The following EPRS1 variants were observed in gnomAD, a reference collection of about 807,000 sequenced individuals.
EPRS1 encodes the protein glutamyl-prolyl-tRNA synthetase 1, also known as bifunctional glutamate/proline--tRNA ligase.
Under a neutral mutation model 188.3 loss-of-function variants are expected in EPRS1, and 107 were observed. That is an observed-to-expected ratio of 0.57 (90% confidence interval 0.49 to 0.67). EPRS1 has a LOEUF of 0.67. Among genes scored for constraint, EPRS1 ranks in the 30% least tolerant of loss-of-function variants. The pLI is 0.00. For missense variants in EPRS1, 1,577 were observed against 1,802.2 expected, an observed-to-expected ratio of 0.88 and a Z score of 2.26; for synonymous variants, 596 against 593.1, an observed-to-expected ratio of 1.00 and a Z score of -0.07.
At chr1:220,006,017 T>G (rs559399538) in intron 15 of EPRS1, 89 bp downstream of exon 15, 2 of 724,516 alleles carry the variant, frequency 2.8e-6, no homozygotes, top group South Asian at 2.5e-5. Context: ...CTTATCCATT[T>G]TATCTGAGGA....
At chr1:219,999,600 G>A (rs1289550783) in intron 17 of EPRS1, among the ~76,000 whole-genome samples, 1 of 152,172 alleles carries the variant, frequency 6.6e-6, no homozygotes, top group Non-Finnish European at 1.5e-5. Flanking sequence ...GCCACTTGCA[G>A]CTATTGCAGT....
At chr1:219,999,925 A>G (rs1033917090) in intron 17 of EPRS1, among the ~76,000 whole-genome samples, 9 of 152,140 alleles carry the variant, frequency 5.9e-5, no homozygotes, top group Non-Finnish European at 2.9e-5. Context: ...ACACTGAGCC[A>G]AGATCATACC....
rs147971538 is a variant in EPRS1 at position 219,988,688 on chromosome 1, G to C, written c.2677C>G (p.Pro893Ala). ...SDSSPTRNSE[P>A]AGLETPEAKV... ...GCTTCTGGTGTTTCTAAACCAGCAG[G>C]TTCAGAATTTCTGGTTGGGCTTGAA... Residue 893 changes from proline to alanine, a missense_variant, in exon 19 of 32, where the codon CCT (proline) becomes GCT (alanine). By Grantham distance (27) the Pro-to-Ala change is conservative (BLOSUM62 -1). Around this residue, in one of 3 missense-constraint regions of EPRS1, gnomAD observed 1,278 missense variants for 1,457.4 expected, o/e 0.88. Transcript: ENST00000366923. 5 of 1,613,876 alleles carry C rather than the reference G, an allele frequency of 3.1e-6. No homozygotes were observed. Among genetic ancestry groups the C allele is most frequent in the Non-Finnish European group, 3.4e-6 (4 of 1,179,816 alleles).
chr1:220,040,846 G>A (rs867680749), intron 1 of EPRS1, among the ~76,000 whole-genome samples: 38 of 114,482 alleles, frequency 3.3e-4, no homozygotes, highest in Middle Eastern at 4.3e-3. Flanking sequence ...GCAAAACTGC[G>A]TCTTAAAAAA....
At position 219,997,303 on chromosome 1, in the gene EPRS1, T is replaced by C; in HGVS notation, c.2221A>G (p.Asn741Asp). 1 of 1,611,936 alleles carries C rather than the reference T, an allele frequency of 6.2e-7. No individual in the cohort carries two copies. The highest frequency in any genetic ancestry group is 8.5e-7 in the Non-Finnish European group (1 of 1,179,100). The part of the protein sequence containing the change: ...PFKERPTPSL[N>D]NNCTTSEDSL... ...TCCTCAGATGTAGTACAATTATTAT[T>C]CAGAGAAGGTGTTGGTCTTTCCTTA... The change falls in exon 18 of 32, where the codon AAT becomes GAT. Residue 741 changes from asparagine to aspartate, a missense_variant. Transcript: ENST00000366923.
chr1:219,977,528 A>G (rs1660803464), intron 28 of EPRS1, among the ~76,000 whole-genome samples: 1 of 152,200 alleles, frequency 6.6e-6, no homozygotes, highest in Non-Finnish European at 1.5e-5. Context: ...TTAACATTTT[A>G]TAGCCCAGGT....
intron 13 of EPRS1, among the ~76,000 whole-genome samples, chr1:220,008,321 T>C (rs1041658674): frequency 3.9e-5 from 6 of 151,980 alleles, no homozygotes; most frequent in Admixed American, 1.3e-4. Flanking sequence ...TTTCTGCCTT[T>C]CTAGTGTGTA....
chr1:220,001,451 C>T (rs1661350233), intron 16 of EPRS1, among the ~76,000 whole-genome samples, 196 bp from the exon 17 acceptor site: 1 of 152,088 alleles, frequency 6.6e-6, no homozygotes, highest in African/African-American at 2.4e-5. Context: ...CTGCAGCTTC[C>T]ACCTCCTGCG....
rs748098978 is a variant in EPRS1, at chr1:220,022,390, GA to G, written c.1071del (p.Arg358AlafsTer26). 4.3e-6 allele frequency: 7 copies of G among 1,613,906 alleles called. No individual in the cohort carries two copies. The highest frequency in any genetic ancestry group is 5.9e-6 in the Non-Finnish European group (7 of 1,179,896). On this transcript the variant is annotated frameshift_variant, in exon 9 of 32. Transcript: ENST00000366923. LOFTEE classifies it high-confidence loss of function. ...NNGCMRDPTL[Y>X]RCKIQPHPRT... The stretch of plus-strand genomic sequence containing the variant: ...CTTGGATGTGGTTGAATTTTGCAGC[GA>G]TAAAGGGTTGGATCTCTCATGCATC...
In EPRS1 at chr1:220,033,677, G is replaced by A; in HGVS notation, c.232-19C>T. Reference sequence around the variant, plus strand: ...GATCAATCTGTCAACATAAAAGACAGAAAAGAAATGCATTCCAACATTTCA... The same window carrying A: ...GATCAATCTGTCAACATAAAAGACAAAAAAGAAATGCATTCCAACATTTCA... On this transcript the variant is annotated intron_variant, in intron 3 of 31. Transcript: ENST00000366923. The A allele has an allele frequency of 6.4e-7, 1 of 1,561,258 alleles. No homozygotes were observed. Among genetic ancestry groups the A allele is most frequent in the South Asian group, 1.2e-5 (1 of 86,024 alleles).
intron 13 of EPRS1, among the ~76,000 whole-genome samples, chr1:220,008,528 G>A (rs1661541112): frequency 6.6e-6 from 1 of 152,014 alleles, no homozygotes; most frequent in South Asian, 2.1e-4. Flanking sequence ...AACATACTAA[G>A]CTCAGAATAG....
At chr1:219,984,581 T>G (rs1660967130) in intron 20 of EPRS1, among the ~76,000 whole-genome samples, 1 of 152,078 alleles carries the variant, frequency 6.6e-6, no homozygotes, top group Admixed American at 6.6e-5. Flanking sequence ...ACATCTGGCT[T>G]ATTTTTTTAT....
Position 220,006,125 on chromosome 1 carries a change from T to C in EPRS1, c.1931A>G (p.Tyr644Cys), listed in dbSNP as rs1293841550. 6.3e-7 allele frequency: 1 copy of C among 1,579,366 alleles called. No homozygotes were observed. The highest frequency in any genetic ancestry group is 8.6e-7 in the Non-Finnish European group (1 of 1,159,480). The change falls in exon 15 of 32, where the codon TAT becomes TGT. Residue 644 changes from tyrosine (Y) to cysteine (C), a missense_variant. This residue lies in a region of EPRS1 where 1,278 missense variants were observed against 1,457.4 expected (regional missense o/e 0.88). Coordinates refer to ENST00000366923, the MANE Select transcript of EPRS1 (RefSeq NM_004446.3). ...VLGKDEDFKQ[Y>C]VNKNSKHEEL... ...GGTTACCTTACTGTTCTTGTTGACATACTGCTTAAAGTCCTCGTCTTTTCC... is the reference window on the plus strand; with the variant it reads ...GGTTACCTTACTGTTCTTGTTGACACACTGCTTAAAGTCCTCGTCTTTTCC...
intron 16 of EPRS1, 107 bp from the exon 17 acceptor site, chr1:220,001,362 T>C: frequency 1.4e-6 from 1 of 716,724 alleles, no homozygotes; most frequent in East Asian, 2.6e-5. Flanking sequence ...TTAATGCTTT[T>C]CTTTCTTTTT....
At chr1:220,011,104 G>A in intron 12 of EPRS1, 48 bp from the exon 13 acceptor site, 2 of 1,057,368 alleles carry the variant, frequency 1.9e-6, no homozygotes, top group African/African-American at 1.6e-5. Context: ...ATCTTATAGA[G>A]CGCCATAAGC....
intron 30 of EPRS1, among the ~76,000 whole-genome samples, chr1:219,970,460 C>T (rs1248168681): frequency 1.3e-5 from 2 of 152,056 alleles, no homozygotes; most frequent in African/African-American, 2.4e-5. Context: ...AGATGGCTAC[C>T]CACTGTCTAG....
rs1205602596 is a variant in EPRS1, at chr1:220,005,265, T to C, written c.2046A>G (p.Gln682=). 1.3e-6 allele frequency: 2 copies of C among 1,533,426 alleles called. No homozygotes were observed. The highest frequency in any genetic ancestry group is 1.8e-6 in the Non-Finnish European group (2 of 1,122,648). 95.0% of individuals were successfully genotyped at this position (1,533,426 alleles called of 1,614,324 possible). A position where few individuals can be genotyped will look rare whatever the true frequency, so the allele number is the denominator to read the frequency against. The part of the protein sequence containing the change: ...LQRRGFFICD[Q]PYEPVSPYSC... ...TTACTTACCTAACAGGTTCATAAGG[T>C]TGATCACATATGAAGAATCCTCTTC... is the stretch of plus-strand genomic sequence containing the variant. Residue 682 remains glutamine, a synonymous_variant, in exon 16 of 32, where the codon CAA becomes CAG. Transcript: ENST00000366923.
rs757563738 is a variant in EPRS1 at position 220,033,652 on chromosome 1, G to A, written c.238C>T (p.His80Tyr). ...TTTGTAGCACTGAACTCCAACCAGTGATCAATCTGTCAACATAAAAGACAG... is the reference window on the plus strand; with the variant it reads ...TTTGTAGCACTGAACTCCAACCAGTAATCAATCTGTCAACATAAAAGACAG... The part of the protein sequence containing the change: ...SNLMEHTEID[H>Y]WLEFSATKLS... The change falls in exon 4 of 32, where the codon CAC (histidine) becomes TAC (tyrosine). Residue 80 changes from histidine (H) to tyrosine (Y), a missense_variant. His to Tyr is a moderately conservative substitution (Grantham distance 83). Around this residue, in one of 3 missense-constraint regions of EPRS1, gnomAD observed 1,278 missense variants for 1,457.4 expected, o/e 0.88. Transcript: ENST00000366923. The A allele has an allele frequency of 6.2e-7, 1 of 1,601,048 alleles. No individual in the cohort carries two copies. Among genetic ancestry groups the A allele is most frequent in the Non-Finnish European group, 8.5e-7 (1 of 1,170,670 alleles).
At chr1:220,031,743 G>A (rs1316564492) in intron 5 of EPRS1, among the ~76,000 whole-genome samples, 1 of 152,126 alleles carries the variant, frequency 6.6e-6, no homozygotes, top group Admixed American at 6.5e-5. Context: ...CAGAACCAAT[G>A]AAAAAGTGCT....
Sources: gnomAD v4.1 joint callset for allele counts (sites outside exome capture counted in the v4.1 genomes callset) on GRCh38, gnomAD v4.1.1 for gene constraint, gnomAD v4.1.1 regional missense constraint, MANE v1.5 for transcripts, NCBI Gene and HGNC (gene_info 2026-07-23, HGNC 2026-07-21) for gene names.